Variants in RANBP3 observed in about 807,000 individuals in gnomAD.
RANBP3 encodes the protein ran-binding protein 3.
In RANBP3, 14 loss-of-function variants were observed where a neutral mutation model predicts 77.3. The observed-to-expected ratio is 0.18, with a 90% CI of 0.12 to 0.28. The LOEUF is 0.28. Ranked by LOEUF, RANBP3 falls within the 10% of genes least tolerant of loss-of-function variation. The pLI, the probability that RANBP3 is intolerant of heterozygous loss-of-function variation, is 1.00. For synonymous variants in RANBP3, 315 were observed against 312.4 expected (o/e 1.01, Z -0.09); for missense variants, 586 against 752.3 (o/e 0.78, Z 2.59).
At chr19:5,966,301 C>T (rs1241284871) in intron 1 of RANBP3, among the ~76,000 whole-genome samples, 1 of 152,190 alleles carries the variant, frequency 6.6e-6, no homozygotes, top group Non-Finnish European at 1.5e-5. Flanking sequence ...CACATGACCA[C>T]CTGCCTCAGC....
chr19:5,932,445 T>C lies in RANBP3; in HGVS notation c.565+7A>G, dbSNP rs2058005660. Reference sequence around the variant, plus strand: ...TGGGCCTGGGCGCCAGGGCTGCTGTTTCTTACCAGTCTGGGACAGCGCCTT... The same window carrying C: ...TGGGCCTGGGCGCCAGGGCTGCTGTCTCTTACCAGTCTGGGACAGCGCCTT... On this transcript the variant is annotated splice_region_variant and intron_variant, in intron 7 of 16. Transcript: ENST00000340578. 6.2e-7 allele frequency: 1 copy of C among 1,612,988 alleles called. No homozygotes were observed. Among genetic ancestry groups the C allele is most frequent in the African/African-American group, 1.3e-5 (1 of 74,926 alleles).
In RANBP3 at chr19:5,923,845, C is replaced by A; in HGVS notation, c.1066G>T (p.Glu356Ter). 1 of 1,614,172 alleles carries A rather than the reference C, an allele frequency of 6.2e-7. No individual in the cohort carries two copies. The highest frequency in any genetic ancestry group is 8.5e-7 in the Non-Finnish European group (1 of 1,180,020). Residue 356 changes from glutamate (E) to a stop codon, truncating the protein, a stop_gained, in exon 12 of 17, where the codon GAG (glutamate) becomes TAG (stop). Transcript: ENST00000340578. LOFTEE classifies it high-confidence loss of function. Reference protein sequence around the residue: ...RENAAAESGSESSSQEATPEK... With the variant: ...RENAAAESGS ...GGGGTGGCCTCCTGGGACGAGGACT[C>A]AGACCCTGACTCGGCAGCTGCATTT...
intron 5 of RANBP3, chr19:5,935,635 C>T (rs549900724): frequency 2.4e-3 from 1,077 of 448,370 alleles, no homozygotes; most frequent in Non-Finnish European, 4.1e-3. Context: ...TGGGGGCTGG[C>T]CCGAGCTGCC....
At chr19:5,926,555 G>C (rs1180952103) in intron 9 of RANBP3, among the ~76,000 whole-genome samples, 1 of 150,918 alleles carries the variant, frequency 6.6e-6, no homozygotes, top group Non-Finnish European at 1.5e-5. Context: ...CGTGTCCAAA[G>C]AAAAAAAAAG....
intron 1 of RANBP3, among the ~76,000 whole-genome samples, chr19:5,960,487 T>C (rs1322058767): frequency 2.0e-5 from 3 of 152,190 alleles, no homozygotes; most frequent in African/African-American, 7.2e-5. Context: ...TCTCACCCAT[T>C]AAGATATAAA....
chr19:5,961,230 T>A (rs980542502), intron 1 of RANBP3, among the ~76,000 whole-genome samples: 2 of 140,126 alleles, frequency 1.4e-5, no homozygotes, highest in Non-Finnish European at 3.1e-5. Context: ...GATCACGAGG[T>A]CAGGAGATTG....
At position 5,932,465 on chromosome 19, in the gene RANBP3, C is replaced by A. The variant is rs771544931; in HGVS notation, c.552G>T (p.Ala184=). 1.2e-6 allele frequency: 2 copies of A among 1,613,696 alleles called. No individual in the cohort carries two copies. Among genetic ancestry groups the A allele is most frequent in the Non-Finnish European group, 1.7e-6 (2 of 1,179,944 alleles). Residue 184 remains alanine (A), a synonymous_variant, in exon 7 of 17, where the codon GCG becomes GCT. Transcript: ENST00000340578. ...PAVLQAPQPK[A]LSQTVPSSGT... is the part of the protein sequence containing the mutation. ...GCTGTTTCTTACCAGTCTGGGACAG[C>A]GCCTTTGGCTGCGGAGCTTGTAACA... is the stretch of plus-strand genomic sequence containing the variant.
chr19:5,925,208 G>C, intron 10 of RANBP3: 2 of 494,016 alleles, frequency 4.0e-6, no homozygotes, highest in Non-Finnish European at 7.4e-6. Flanking sequence ...AGGGGCAGCT[G>C]GTCCGTGGGT....
At chr19:5,971,546 T>C (rs369983493) in intron 1 of RANBP3, among the ~76,000 whole-genome samples, 2 of 152,196 alleles carry the variant, frequency 1.3e-5, no homozygotes, top group South Asian at 2.1e-4. Context: ...CCACTGTCCA[T>C]TTTCAAGTGA....
chr19:5,926,516 A>T (rs958794467), intron 9 of RANBP3, among the ~76,000 whole-genome samples: 14 of 152,042 alleles, frequency 9.2e-5, no homozygotes, highest in East Asian at 1.9e-4. Flanking sequence ...ATGCCACTGC[A>T]CTCCAGCCTG....
intron 3 of RANBP3, among the ~76,000 whole-genome samples, chr19:5,949,733 G>C (rs1599766076): frequency 1.3e-5 from 2 of 152,198 alleles, no homozygotes; most frequent in Non-Finnish European, 2.9e-5. Flanking sequence ...CAAAGTCCAT[G>C]AGAATCAGGA....
intron 8 of RANBP3, among the ~76,000 whole-genome samples, chr19:5,930,518 G>A (rs1055453008): frequency 1.3e-5 from 2 of 152,204 alleles, no homozygotes; most frequent in African/African-American, 4.8e-5. Flanking sequence ...CAGTGGCTGT[G>A]AAACACAAAG....
intron 14 of RANBP3, among the ~76,000 whole-genome samples, chr19:5,919,965 CCT>C (rs1294206702): frequency 1.3e-5 from 2 of 152,052 alleles, no homozygotes; most frequent in Non-Finnish European, 2.9e-5. Context: ...AGGGACATCC[CCT>C]GTCTGTTCTG....
chr19:5,967,951 A>T (rs2058487383), intron 1 of RANBP3, among the ~76,000 whole-genome samples: 1 of 152,086 alleles, frequency 6.6e-6, no homozygotes, highest in Non-Finnish European at 1.5e-5. Flanking sequence ...CAGGAGGTGG[A>T]GGTTGCAGTG....
At chr19:5,969,201 T>A (rs570624658) in intron 1 of RANBP3, among the ~76,000 whole-genome samples, 1 of 152,290 alleles carries the variant, frequency 6.6e-6, no homozygotes, top group East Asian at 1.9e-4. Context: ...AGTGTAAAGG[T>A]TGGGGCCCAG....
chr19:5,941,149 C>T (rs975472126), intron 5 of RANBP3, among the ~76,000 whole-genome samples: 7 of 152,326 alleles, frequency 4.6e-5, no homozygotes, highest in Admixed American at 1.3e-4. Flanking sequence ...TCCTGGCTTG[C>T]TGGTTACCGT....
chr19:5,957,357 C>A (rs141215521), intron 2 of RANBP3, among the ~76,000 whole-genome samples: 2 of 152,138 alleles, frequency 1.3e-5, no homozygotes, highest in Non-Finnish European at 2.9e-5. Context: ...AACCACACTG[C>A]GACCCAGACA....
In RANBP3 at chr19:5,941,712, A is replaced by G. The variant is rs1318083343; in HGVS notation, c.320-5T>C. The G allele has an allele frequency of 1.2e-6, 2 of 1,613,494 alleles. No individual in the cohort carries two copies. Among genetic ancestry groups the G allele is most frequent in the Non-Finnish European group, 1.7e-6 (2 of 1,179,766 alleles). ...TTCCATCTTCTCTGTCAGAATCTACAGAAAATGATGAGAAGAGGAGGAGAA... is the reference window on the plus strand; with the variant it reads ...TTCCATCTTCTCTGTCAGAATCTACGGAAAATGATGAGAAGAGGAGGAGAA... On this transcript the variant is annotated splice_region_variant and splice_polypyrimidine_tract_variant and intron_variant, in intron 4 of 16. Transcript: ENST00000340578.
chr19:5,926,278 G>T (rs764228600), intron 9 of RANBP3, among the ~76,000 whole-genome samples: 1 of 152,160 alleles, frequency 6.6e-6, no homozygotes, highest in Admixed American at 6.6e-5. Context: ...TGGGCGCGGT[G>T]GCTCGTGCCT....
Sources: gnomAD v4.1 joint callset for allele counts (sites outside exome capture counted in the v4.1 genomes callset) on GRCh38, gnomAD v4.1.1 for gene constraint, MANE v1.5 for transcripts, NCBI Gene and HGNC (gene_info 2026-07-23, HGNC 2026-07-21) for gene names.